MED12L: variants seen among roughly 807,000 people sequenced by gnomAD.
The protein encoded by MED12L is mediator of RNA polymerase II transcription subunit 12-like protein.
A neutral mutation model predicts 281.3 loss-of-function variants in MED12L; 60 were observed. That is an observed-to-expected ratio of 0.21 (90% CI 0.17 to 0.26). The LOEUF (loss-of-function observed/expected upper bound fraction) is 0.26. Among genes scored for constraint, MED12L ranks in the 10% least tolerant of loss-of-function variants. The pLI, the probability that MED12L is intolerant of heterozygous loss-of-function variation, is 1.00. For missense variants in MED12L, 2,146 were observed against 2,680.9 expected (o/e 0.80, Z 4.41); for synonymous variants, 974 against 987.2 (o/e 0.99, Z 0.25).
Position 151,387,661 on chromosome 3 carries a change from G to A in MED12L, c.5089-149G>A, listed in dbSNP as rs1713616615. On this transcript the variant is annotated intron_variant, in intron 36 of 44. Coordinates refer to ENST00000687756, the MANE Select transcript of MED12L (RefSeq NM_001393769.1). The stretch of plus-strand genomic sequence containing the variant: ...ATTCTAGCCACTGCTCTCCGGTGAT[G>A]TAGCTGTGTAACCCTCTCTGCTGTA... 5 of 819,644 alleles carry A rather than the reference G, an allele frequency of 6.1e-6. No individual in the cohort carries two copies. In the South Asian group the frequency reaches 9.0e-5, roughly 15 times the overall value. The allele number at this position is 819,644 out of a possible 1,614,324, so 50.8% of individuals were successfully genotyped here.
intron 42 of MED12L, among the ~76,000 whole-genome samples, chr3:151,414,317 T>G (rs1482183671): frequency 6.6e-6 from 1 of 152,192 alleles, no homozygotes; most frequent in African/African-American, 2.4e-5. Context: ...CAGTCCAACT[T>G]GAGATACACA....
intron 16 of MED12L, among the ~76,000 whole-genome samples, chr3:151,326,080 A>G (rs1231369073): frequency 1.3e-5 from 2 of 152,202 alleles, no homozygotes; most frequent in African/African-American, 2.4e-5. Flanking sequence ...GGATTTTGTC[A>G]ATAGCTTTAA....
In MED12L at chr3:151,435,062, CTTTTTTTTTTT is replaced by C. The variant is rs66791814; in HGVS notation, c.*2268_*2278del. 1 of 119,082 alleles carries C rather than the reference CTTTTTTTTTTT, an allele frequency of 8.4e-6. No homozygotes were observed. Among genetic ancestry groups the C allele is most frequent in the Non-Finnish European group, 1.7e-5 (1 of 57,276 alleles). 7.4% of individuals were successfully genotyped at this position (119,082 alleles called of 1,614,324 possible). ...GTTAATTCTGTATCTTGAGAGGTTT[CTTTTTTTTTTT>C]TTTTTTTTTCTTTTCTTGCAAATGC... On this transcript the variant is annotated 3_prime_UTR_variant, in exon 45 of 45. Coordinates refer to ENST00000687756, the MANE Select transcript of MED12L (RefSeq NM_001393769.1).
chr3:151,218,667 G>A (rs1485699673), intron 16 of MED12L, among the ~76,000 whole-genome samples: 1 of 151,870 alleles, frequency 6.6e-6, no homozygotes, highest in African/African-American at 2.4e-5. Context: ...AGGAGATTGA[G>A]ACCAGCCTGG....
At chr3:151,197,250 G>T (rs771043427) in intron 16 of MED12L, among the ~76,000 whole-genome samples, 1 of 152,138 alleles carries the variant, frequency 6.6e-6, no homozygotes, top group Non-Finnish European at 1.5e-5. Context: ...TGCAACCTCT[G>T]CCTCCCAGGT....
Position 151,383,576 on chromosome 3 carries a change from A to G in MED12L, c.4681-203A>G, listed in dbSNP as rs188774109. Reference sequence around the variant, plus strand: ...CTCACGTCCCTTCTTCATTTTAGTTAATGTTTGAATGACTGAACTGTGCTG... The same window carrying G: ...CTCACGTCCCTTCTTCATTTTAGTTGATGTTTGAATGACTGAACTGTGCTG... On this transcript the variant is annotated intron_variant, in intron 33 of 44. Transcript: ENST00000687756. Among the ~76,000 whole-genome samples, 313 of 152,302 alleles carry G rather than the reference A, an allele frequency of 2.1e-3. 1 individual carries two copies. The highest frequency in any genetic ancestry group is 3.5e-3 in the Admixed American group (53 of 15,292).
intron 5 of MED12L, among the ~76,000 whole-genome samples, chr3:151,151,138 C>T (rs948220822): frequency 1.0e-4 from 15 of 148,512 alleles, no homozygotes; most frequent in East Asian, 4.1e-4. Context: ...CCGGGGTTCA[C>T]GCCATTCTCC....
chr3:151,302,337 G>A (rs1746049307), intron 16 of MED12L, among the ~76,000 whole-genome samples: 1 of 152,172 alleles, frequency 6.6e-6, no homozygotes. Context: ...AGTTATTCTT[G>A]TAGTGTTAAA....
intron 32 of MED12L, among the ~76,000 whole-genome samples, chr3:151,381,357 T>C (rs553672967): frequency 6.6e-6 from 1 of 152,338 alleles, no homozygotes; most frequent in South Asian, 2.1e-4. Context: ...AAGTCACATA[T>C]TACCTCAGTA....
intron 16 of MED12L, among the ~76,000 whole-genome samples, chr3:151,282,724 G>A (rs570359715): frequency 2.0e-5 from 3 of 152,340 alleles, no homozygotes; most frequent in African/African-American, 7.2e-5. Flanking sequence ...AGCCAGCAAA[G>A]GTGGAGGAGC....
intron 16 of MED12L, among the ~76,000 whole-genome samples, chr3:151,265,135 C>T (rs1019794802): frequency 3.3e-5 from 5 of 152,156 alleles, no homozygotes; most frequent in South Asian, 2.1e-4. Flanking sequence ...TGCTGTGTGT[C>T]GCCAGCACCT....
intron 21 of MED12L, among the ~76,000 whole-genome samples, chr3:151,362,124 C>T (rs1754684641): frequency 1.3e-5 from 2 of 152,018 alleles, no homozygotes; most frequent in South Asian, 4.1e-4. Context: ...GCCCATTCTT[C>T]ACCCTCTCTT....
intron 24 of MED12L, among the ~76,000 whole-genome samples, 177 bp downstream of exon 24, chr3:151,367,943 A>T (rs928389847): frequency 2.0e-5 from 3 of 152,196 alleles, no homozygotes; most frequent in African/African-American, 7.2e-5. Flanking sequence ...AACATGTATC[A>T]CCGTGAAAAA....
At chr3:151,419,781 C>T (rs113632634) in intron 43 of MED12L, among the ~76,000 whole-genome samples, 3,570 of 152,280 alleles carry the variant, frequency 0.023, 130 homozygotes, top group African/African-American at 0.082. Flanking sequence ...AACCCAAATA[C>T]TATTACATAA....
chr3:151,275,752 A>C (rs2149584650), intron 16 of MED12L, among the ~76,000 whole-genome samples: 1 of 152,358 alleles, frequency 6.6e-6, no homozygotes, highest in East Asian at 1.9e-4. Flanking sequence ...CCTGATTCTC[A>C]TGCTACTTAG....
intron 5 of MED12L, among the ~76,000 whole-genome samples, chr3:151,138,136 A>T (rs1716418345): frequency 6.6e-6 from 1 of 152,002 alleles, no homozygotes; most frequent in Admixed American, 6.6e-5. Context: ...CTTTCTCCTT[A>T]CATAGTAATT....
intron 16 of MED12L, chr3:151,329,350 T>A: frequency 3.3e-6 from 2 of 613,228 alleles, no homozygotes; most frequent in Non-Finnish European, 5.8e-6. Flanking sequence ...ATCAGATTGC[T>A]GTAAATTATG....
At chr3:151,318,703 A>G (rs961493730) in intron 16 of MED12L, among the ~76,000 whole-genome samples, 1 of 152,126 alleles carries the variant, frequency 6.6e-6, no homozygotes, top group Non-Finnish European at 1.5e-5. Context: ...GATATTTGAC[A>G]GGCTTCTGTT....
rs537478716 is a variant in MED12L, at chr3:151,409,445, C to G, written c.5910+113C>G. The G allele has an allele frequency of 8.5e-5, 70 of 826,014 alleles. No homozygotes were observed. In the Middle Eastern group the frequency reaches 1.0e-3, roughly 12 times the overall value. The allele number at this position is 826,014 out of a possible 1,614,324, so 51.2% of individuals were successfully genotyped here. On this transcript the variant is annotated intron_variant, in intron 40 of 44. Transcript: ENST00000687756. ...CCCTATAGGGTCTAGAACTTGATTA[C>G]TTCTTCTACTTATAGATTATAATTG...
Sources: allele counts gnomAD v4.1 joint callset (sites outside exome capture counted in the v4.1 genomes callset), GRCh38; gene constraint gnomAD v4.1.1; transcripts MANE v1.5; gene names NCBI Gene and HGNC (gene_info 2026-07-23, HGNC 2026-07-21).